PTPRD: variants seen among roughly 807,000 people sequenced by gnomAD.
PTPRD encodes protein tyrosine phosphatase receptor type D.
In PTPRD, 34 loss-of-function variants were observed where a neutral mutation model predicts 214.5. The observed-to-expected ratio is 0.16, with a 90% confidence interval of 0.12 to 0.21. PTPRD has a LOEUF of 0.21. Among genes scored for constraint, PTPRD ranks in the 10% least tolerant of loss-of-function variants. PTPRD has a pLI of 1.00. For synonymous variants in PTPRD, 1,128 were observed against 845.7 expected, an observed-to-expected ratio of 1.33 and a Z score of -5.79; for missense variants, 2,545 against 2,398.7, an observed-to-expected ratio of 1.06 and a Z score of -1.27.
rs367778829 is a variant in PTPRD at position 9,691,782 on chromosome 9, C to T, written c.-287+42751G>A. ...TCCCTTTTCTCCACATTCTCGCCAG[C>T]GTTTGTTATTGCCTGTCTTTGGACA... On this transcript the variant is annotated intron_variant, in intron 7 of 45. Transcript: ENST00000381196. 3.9e-5 allele frequency among the ~76,000 whole-genome samples: 6 copies of T among 151,944 alleles called. No individual in the cohort carries two copies. The South Asian group carries it at 6.2e-4, about 16-fold the overall frequency.
chr9:8,523,643 T>C, intron 18 of PTPRD, 119 bp from the exon 19 acceptor site: 2 of 1,050,012 alleles, frequency 1.9e-6, no homozygotes, highest in Non-Finnish European at 2.8e-6. Flanking sequence ...CTTGAACATC[T>C]TTATTCGCTC....
At position 9,637,231 on chromosome 9, in the gene PTPRD, C is replaced by T. The variant is rs180932982; in HGVS notation, c.-286-62450G>A. On this transcript the variant is annotated intron_variant, in intron 7 of 45. Transcript: ENST00000381196. ...AAATACCTTCATTTCACCCTGATAG[C>T]CCCCAAAGTCTTAATTCACTCTAGC... Among the ~76,000 whole-genome samples, 868 of 152,206 alleles carry T rather than the reference C, an allele frequency of 5.7e-3. 6 individuals carry two copies. Among genetic ancestry groups the T allele is most frequent in the Non-Finnish European group, 7.9e-3 (537 of 68,016 alleles).
intron 11 of PTPRD, among the ~76,000 whole-genome samples, chr9:8,965,154 G>T (rs1364416572): frequency 1.3e-5 from 2 of 152,086 alleles, no homozygotes; most frequent in Non-Finnish European, 2.9e-5. Context: ...GAGGCAGGCA[G>T]ATTACCTGAG....
At chr9:9,268,328 A>C (rs4457389) in intron 9 of PTPRD, among the ~76,000 whole-genome samples, 72,967 of 150,654 alleles carry the variant, frequency 0.48, 18,482 homozygotes, top group African/African-American at 0.65. Flanking sequence ...GATCTGTATA[A>C]TGAAAATATA....
chr9:9,022,457 T>C (rs915511855), intron 10 of PTPRD, among the ~76,000 whole-genome samples: 6 of 152,136 alleles, frequency 3.9e-5, no homozygotes, highest in Non-Finnish European at 7.3e-5. Context: ...TAGATACACA[T>C]ACACTGGCCA....
chr9:9,062,367 A>G (rs1460927110), intron 10 of PTPRD, among the ~76,000 whole-genome samples: 2 of 152,228 alleles, frequency 1.3e-5, no homozygotes, highest in Non-Finnish European at 2.9e-5. Flanking sequence ...GGTGCAACTA[A>G]TAATTCATAT....
intron 4 of PTPRD, among the ~76,000 whole-genome samples, chr9:10,018,405 G>A (rs1446445113): frequency 6.6e-6 from 1 of 151,822 alleles, no homozygotes; most frequent in East Asian, 1.9e-4. Flanking sequence ...CTAGATCTGT[G>A]TCCCCTTATA....
intron 11 of PTPRD, among the ~76,000 whole-genome samples, chr9:8,755,465 G>A (rs2093920020): frequency 6.7e-6 from 1 of 150,054 alleles, no homozygotes; most frequent in Non-Finnish European, 1.5e-5. Flanking sequence ...GCAGGCAGAG[G>A]TTGCAGTGAG....
chr9:9,368,102 T>A (rs1403184845), intron 9 of PTPRD, among the ~76,000 whole-genome samples: 1 of 151,796 alleles, frequency 6.6e-6, no homozygotes, highest in Non-Finnish European at 1.5e-5. Context: ...TTTATTTACA[T>A]AATTCGGCCC....
chr9:10,010,892 G>GA (rs949896286), intron 4 of PTPRD, among the ~76,000 whole-genome samples: 11 of 150,166 alleles, frequency 7.3e-5, no homozygotes, highest in African/African-American at 1.2e-4. Flanking sequence ...CTAGTCAAAA[G>GA]AAAAAAAAAT....
At chr9:8,767,880 T>G (rs2094885374) in intron 11 of PTPRD, among the ~76,000 whole-genome samples, 1 of 152,116 alleles carries the variant, frequency 6.6e-6, no homozygotes, top group Non-Finnish European at 1.5e-5. Context: ...AAAGACCCAC[T>G]GCTGTGTATG....
At chr9:10,333,099 T>C (rs1013297465) in intron 3 of PTPRD, among the ~76,000 whole-genome samples, 1 of 151,810 alleles carries the variant, frequency 6.6e-6, no homozygotes, top group African/African-American at 2.4e-5. Context: ...AAATAAGTGA[T>C]TGATTTCTGT....
chr9:9,676,132 G>T (rs1032733385), intron 7 of PTPRD, among the ~76,000 whole-genome samples: 3 of 151,812 alleles, frequency 2.0e-5, no homozygotes, highest in Non-Finnish European at 4.4e-5. Context: ...TTTAATGTTG[G>T]TTTTTTATTA....
At chr9:9,466,607 C>G (rs752191237) in intron 8 of PTPRD, among the ~76,000 whole-genome samples, 5 of 152,140 alleles carry the variant, frequency 3.3e-5, no homozygotes, top group Admixed American at 6.5e-5. Context: ...ACCAAGCCTT[C>G]CCCATTTCTC....
chr9:9,591,497 A>C (rs1259448640), intron 7 of PTPRD, among the ~76,000 whole-genome samples: 2 of 152,048 alleles, frequency 1.3e-5, no homozygotes, highest in Non-Finnish European at 2.9e-5. Context: ...GTTGAGCTGC[A>C]CTGCATCTGG....
In PTPRD at chr9:9,540,821, T is replaced by C. The variant is rs950668639; in HGVS notation, c.-237+33911A>G. On this transcript the variant is annotated intron_variant, in intron 8 of 45. Coordinates refer to ENST00000381196, the MANE Select transcript of PTPRD (RefSeq NM_002839.4). ...GTTATGGGCCCTGAAGTATTAAGTA[T>C]AGGTGAGAAAGTATGAAATATAAGT... Among the ~76,000 whole-genome samples, 7 of 151,872 alleles carry C rather than the reference T, an allele frequency of 4.6e-5. No homozygotes were observed. The South Asian group carries it at 1.2e-3, about 27-fold the overall frequency.
chr9:8,573,998 T>C (rs1359527554), intron 14 of PTPRD, among the ~76,000 whole-genome samples: 1 of 151,976 alleles, frequency 6.6e-6, no homozygotes, highest in African/African-American at 2.4e-5. Flanking sequence ...TTTCAGATAG[T>C]TGGAAGAAAT....
At chr9:9,843,701 T>A (rs994024433) in intron 5 of PTPRD, among the ~76,000 whole-genome samples, 1 of 151,974 alleles carries the variant, frequency 6.6e-6, no homozygotes, top group African/African-American at 2.4e-5. Context: ...TTTGTTTATA[T>A]AAATTGTATA....
intron 9 of PTPRD, among the ~76,000 whole-genome samples, chr9:9,324,367 T>C (rs529217784): frequency 6.6e-5 from 10 of 152,312 alleles, no homozygotes; most frequent in South Asian, 2.1e-4. Flanking sequence ...TCTTGACTTT[T>C]TAATGATTGC....
Sources: gnomAD v4.1 joint callset for allele counts (sites outside exome capture counted in the v4.1 genomes callset) on GRCh38, gnomAD v4.1.1 for gene constraint, MANE v1.5 for transcripts, NCBI Gene and HGNC (gene_info 2026-07-23, HGNC 2026-07-21) for gene names.